Variants in CTNND2 observed in about 807,000 individuals in gnomAD.
CTNND2 encodes catenin delta-2.
In CTNND2, 22 loss-of-function variants were observed where a neutral mutation model predicts 144.4. That is an observed-to-expected ratio of 0.15 (90% CI 0.11 to 0.22). CTNND2 has a LOEUF of 0.22. Among genes scored for constraint, CTNND2 ranks in the 10% least tolerant of loss-of-function variants. CTNND2 has a pLI of 1.00. For synonymous variants in CTNND2, 751 were observed against 695.6 expected (o/e 1.08, Z -1.25); for missense variants, 1,353 against 1,618.8 (o/e 0.84, Z 2.82).
Position 11,159,302 on chromosome 5 carries a change from T to C in CTNND2, c.2159+274A>G, listed in dbSNP as rs548215979. 2.6e-5 allele frequency among the ~76,000 whole-genome samples: 4 copies of C among 152,294 alleles called. No individual in the cohort carries two copies. In the South Asian group the frequency reaches 8.3e-4, roughly 32 times the overall value. Reference sequence around the variant, plus strand: ...GTTTTCGGCCAAAGAAAATGACTTATTTTGGGTTGGAATAAAAATGTTTGT... The same window carrying C: ...GTTTTCGGCCAAAGAAAATGACTTACTTTGGGTTGGAATAAAAATGTTTGT... On this transcript the variant is annotated intron_variant, in intron 12 of 21. Transcript: ENST00000304623.
At chr5:11,629,887 C>T (rs6889997) in intron 2 of CTNND2, among the ~76,000 whole-genome samples, 74,113 of 151,740 alleles carry the variant, frequency 0.49, 18,961 homozygotes, top group Middle Eastern at 0.68. Context: ...GGCTATGATA[C>T]GTCATGCTTT....
chr5:11,520,151 A>G (rs1338446401), intron 3 of CTNND2, among the ~76,000 whole-genome samples: 3 of 46,874 alleles, frequency 6.4e-5, no homozygotes, highest in South Asian at 9.3e-4. Flanking sequence ...CTGTCTTGGA[A>G]AAAAAAAAAA....
At chr5:11,859,808 G>A (rs1795420464) in intron 1 of CTNND2, among the ~76,000 whole-genome samples, 1 of 151,994 alleles carries the variant, frequency 6.6e-6, no homozygotes, top group Non-Finnish European at 1.5e-5. Context: ...TGAAATCAGA[G>A]TCCCCATAAA....
At chr5:11,062,582 A>G (rs990595284) in intron 16 of CTNND2, among the ~76,000 whole-genome samples, 1 of 152,244 alleles carries the variant, frequency 6.6e-6, no homozygotes, top group Admixed American at 6.5e-5. Context: ...AGACAAGCAC[A>G]TTCTTCTAAT....
chr5:11,856,289 C>T (rs1795246969), intron 1 of CTNND2, among the ~76,000 whole-genome samples: 1 of 152,280 alleles, frequency 6.6e-6, no homozygotes, highest in South Asian at 2.1e-4. Context: ...AAGATCAGAA[C>T]AGGAGTTCAT....
chr5:11,831,393 G>T (rs1007371578), intron 1 of CTNND2, among the ~76,000 whole-genome samples: 10 of 152,100 alleles, frequency 6.6e-5, no homozygotes, highest in African/African-American at 2.2e-4. Flanking sequence ...GAGTTGCCAG[G>T]CGTGGTGGCT....
chr5:10,995,007 G>C (rs1215738433), intron 18 of CTNND2, among the ~76,000 whole-genome samples: 1 of 152,210 alleles, frequency 6.6e-6, no homozygotes, highest in Non-Finnish European at 1.5e-5. Context: ...GGAACAATGG[G>C]AGGGAGGGAA....
At chr5:11,011,697 G>A (rs1302266045) in intron 18 of CTNND2, among the ~76,000 whole-genome samples, 3 of 152,192 alleles carry the variant, frequency 2.0e-5, no homozygotes, top group Admixed American at 6.5e-5. Context: ...TACAGGGTCT[G>A]TTTGAATGGC....
intron 16 of CTNND2, among the ~76,000 whole-genome samples, chr5:11,027,865 G>A (rs1743024370): frequency 6.6e-6 from 1 of 152,196 alleles, no homozygotes; most frequent in Non-Finnish European, 1.5e-5. Flanking sequence ...AGCTGGTGGG[G>A]ATTTCATGAT....
At chr5:11,160,008 G>A (rs1758612230) in intron 11 of CTNND2, among the ~76,000 whole-genome samples, 1 of 152,178 alleles carries the variant, frequency 6.6e-6, no homozygotes, top group South Asian at 2.1e-4. Flanking sequence ...CATAATCAAG[G>A]TTGCGAGGTC....
intron 2 of CTNND2, among the ~76,000 whole-genome samples, chr5:11,695,445 T>A (rs1052818288): frequency 2.6e-5 from 4 of 152,210 alleles, no homozygotes; most frequent in African/African-American, 9.6e-5. Flanking sequence ...AATTATTCTC[T>A]ACAGAATCAT....
intron 18 of CTNND2, among the ~76,000 whole-genome samples, chr5:11,006,749 G>C (rs989252479): frequency 2.0e-5 from 3 of 152,158 alleles, no homozygotes; most frequent in African/African-American, 7.2e-5. Context: ...CATTGTGAAG[G>C]CTGGACCATG....
At chr5:11,565,517 C>T (rs1326251636) in intron 2 of CTNND2, among the ~76,000 whole-genome samples, 1 of 152,202 alleles carries the variant, frequency 6.6e-6, no homozygotes, top group African/African-American at 2.4e-5. Context: ...TTACTGCTTT[C>T]TTCATATTAC....
At chr5:11,776,849 A>C (rs1790282335) in intron 1 of CTNND2, among the ~76,000 whole-genome samples, 1 of 152,258 alleles carries the variant, frequency 6.6e-6, no homozygotes, top group African/African-American at 2.4e-5. Context: ...TTCTGTATTT[A>C]CAAGTCCTTA....
At chr5:11,004,918 TGAGCACAGGGCAAGAAAAGA>T (rs1211265678) in intron 18 of CTNND2, among the ~76,000 whole-genome samples, 1 of 152,162 alleles carries the variant, frequency 6.6e-6, no homozygotes, top group Non-Finnish European at 1.5e-5. Flanking sequence ...AGCACCATGC[TGAGCACAGGGCAAGAAAAGA>T]GAGACTGGCA....
At chr5:11,871,506 T>A (rs1409198784) in intron 1 of CTNND2, among the ~76,000 whole-genome samples, 1 of 152,226 alleles carries the variant, frequency 6.6e-6, no homozygotes, top group Admixed American at 6.5e-5. Context: ...AGCTATCATA[T>A]TAGAGGCAGC....
chr5:11,359,275 T>A (rs139909347), intron 8 of CTNND2, among the ~76,000 whole-genome samples: 39 of 152,328 alleles, frequency 2.6e-4, no homozygotes, highest in African/African-American at 9.1e-4. Flanking sequence ...TGTATCTCTT[T>A]ACATTTTCAT....
At position 11,568,216 on chromosome 5, in the gene CTNND2, C is replaced by T. The variant is rs557317832; in HGVS notation, c.175-3160G>A. 2.6e-5 allele frequency among the ~76,000 whole-genome samples: 4 copies of T among 152,316 alleles called. No homozygotes were observed. The South Asian group carries it at 6.2e-4, about 24-fold the overall frequency. On this transcript the variant is annotated intron_variant, in intron 2 of 21. Coordinates refer to ENST00000304623, the MANE Select transcript of CTNND2 (RefSeq NM_001332.4). ...TGGTCTCTGCTAGTTTCCTTACATA[C>T]ATGGGCTGCTAAGTTGTTTGCTGAA...
At chr5:11,570,539 T>C (rs1369622438) in intron 2 of CTNND2, among the ~76,000 whole-genome samples, 1 of 152,184 alleles carries the variant, frequency 6.6e-6, no homozygotes, top group Non-Finnish European at 1.5e-5. Flanking sequence ...TGGAAATCAT[T>C]TTCCTTCAGG....
Sources: allele counts gnomAD v4.1 joint callset (sites outside exome capture counted in the v4.1 genomes callset), GRCh38; gene constraint gnomAD v4.1.1; transcripts MANE v1.5; gene names NCBI Gene and HGNC (gene_info 2026-07-23, HGNC 2026-07-21).